PITRM1: variants seen among roughly 807,000 people sequenced by gnomAD.
The protein encoded by PITRM1 is presequence protease, mitochondrial.
PITRM1 carries 100 observed loss-of-function variants against 129.9 expected under a neutral mutation model. The observed-to-expected ratio is 0.77, with a 90% CI of 0.65 to 0.91. The LOEUF (loss-of-function observed/expected upper bound fraction) is 0.91, where lower values mean the gene tolerates loss of function less well. Among genes scored for constraint, PITRM1 ranks in the 40% least tolerant of loss-of-function variants. PITRM1 has a pLI of 0.00. For missense variants in PITRM1, 1,471 were observed against 1,318.3 expected (o/e 1.12, Z -1.79); for synonymous variants, 591 against 508.8 (o/e 1.16, Z -2.17).
At position 3,138,894 on chromosome 10, in the gene PITRM1, C is replaced by T. The variant is rs750441899; in HGVS notation, c.2917+10G>A. On this transcript the variant is annotated intron_variant, in intron 25 of 26. Coordinates refer to ENST00000224949, the MANE Select transcript of PITRM1 (RefSeq NM_014889.4). Reference sequence around the variant, plus strand: ...GTGGGTTGAGATTCTCACTGTTATACTCAAAATACCTTTGTCTGAAGGAGC... The same window carrying T: ...GTGGGTTGAGATTCTCACTGTTATATTCAAAATACCTTTGTCTGAAGGAGC... The T allele has an allele frequency of 6.2e-7, 1 of 1,613,680 alleles. No individual in the cohort carries two copies. The highest frequency in any genetic ancestry group is 1.7e-5 in the Admixed American group (1 of 60,020).
chr10:3,165,175 T>C (rs1842753842), intron 6 of PITRM1, 63 bp downstream of exon 6: 2 of 1,103,566 alleles, frequency 1.8e-6, no homozygotes, highest in South Asian at 1.5e-5. Context: ...GATGTGTCTA[T>C]ATCATGATAT....
At position 3,166,398 on chromosome 10, in the gene PITRM1, C is replaced by T; in HGVS notation, c.267-18G>A. On this transcript the variant is annotated intron_variant, in intron 3 of 26. Coordinates refer to ENST00000224949, the MANE Select transcript of PITRM1 (RefSeq NM_014889.4). ...ACTGCACGCTAGGGAAGGAGAATGACCAGAACGCAAAAGGTTCAGCTTAGT... is the reference window on the plus strand; with the variant it reads ...ACTGCACGCTAGGGAAGGAGAATGATCAGAACGCAAAAGGTTCAGCTTAGT... 1 of 196,504 alleles carries T rather than the reference C, an allele frequency of 5.1e-6. No individual in the cohort carries two copies. Among genetic ancestry groups the T allele is most frequent in the Non-Finnish European group, 7.9e-6 (1 of 126,236 alleles). 12.2% of individuals were successfully genotyped at this position (196,504 alleles called of 1,614,324 possible).
chr10:3,163,623 A>C (rs1842627648), intron 7 of PITRM1, 102 bp downstream of exon 7: 7 of 977,794 alleles, frequency 7.2e-6, no homozygotes, highest in African/African-American at 3.3e-5. Context: ...GATATTTCTT[A>C]AGCATTGCTA....
intron 13 of PITRM1, among the ~76,000 whole-genome samples, chr10:3,156,058 T>C (rs961455383): frequency 2.6e-5 from 4 of 152,230 alleles, no homozygotes; most frequent in Non-Finnish European, 4.4e-5. Flanking sequence ...AGGTTTGCAC[T>C]TTCAAGTACT....
intron 23 of PITRM1, chr10:3,143,072 T>C: frequency 3.6e-6 from 1 of 274,110 alleles, no homozygotes; most frequent in South Asian, 6.3e-5. Flanking sequence ...TTCATTCGAT[T>C]TTTACCTAGA....
intron 23 of PITRM1, among the ~76,000 whole-genome samples, chr10:3,142,661 G>C (rs931080352): frequency 1.3e-5 from 2 of 152,198 alleles, no homozygotes; most frequent in African/African-American, 4.8e-5. Flanking sequence ...AAACTCCCTC[G>C]CCCCACGCCA....
In PITRM1 at chr10:3,163,743, T is replaced by A; in HGVS notation, c.773A>T (p.Tyr258Phe). ...ATATTACCTAGCATTGCTTGGGTGATAGTGAGTGGCATGAAACTGCTTAAG... is the reference window on the plus strand; with the variant it reads ...ATATTACCTAGCATTGCTTGGGTGAAAGTGAGTGGCATGAAACTGCTTAAG... ...EQLKQFHATH[Y>F]HPSNARFFTY... The change falls in exon 7 of 27, where the codon TAT becomes TTT. Residue 258 changes from tyrosine to phenylalanine, a missense_variant. Physicochemically the swap from Tyr to Phe is conservative, Grantham distance 22. Coordinates refer to ENST00000224949, the MANE Select transcript of PITRM1 (RefSeq NM_014889.4). The A allele has an allele frequency of 6.2e-7, 1 of 1,610,470 alleles. No homozygotes were observed. The highest frequency in any genetic ancestry group is 1.1e-5 in the South Asian group (1 of 90,160).
intron 13 of PITRM1, 142 bp from the exon 14 acceptor site, chr10:3,155,871 T>C: frequency 1.1e-6 from 1 of 926,654 alleles, no homozygotes; most frequent in Non-Finnish European, 1.6e-6. Flanking sequence ...AGAACGCACC[T>C]CAAGAGTTGT....
rs780199006 is a variant in PITRM1 at position 3,151,274 on chromosome 10, C to A, written c.1711G>T (p.Val571Phe). ...GTCAGGACCACGTCCAACTCTGTGA[C>A]AGGTATGGTGGGTTCAATATCGGAA... ...KVSDIEPTIPVTELDVVLTAG... is the reference protein window; with the variant it reads ...KVSDIEPTIPFTELDVVLTAG... The change falls in exon 15 of 27, where the codon GTC becomes TTC. Residue 571 changes from valine (V) to phenylalanine (F), a missense_variant. By Grantham distance (50) the Val-to-Phe change is conservative. Transcript: ENST00000224949. 1.2e-6 allele frequency: 2 copies of A among 1,607,080 alleles called. No homozygotes were observed. Among genetic ancestry groups the A allele is most frequent in the South Asian group, 2.2e-5 (2 of 89,560 alleles).
intron 24 of PITRM1, among the ~76,000 whole-genome samples, chr10:3,139,626 G>C (rs1008641991): frequency 3.9e-5 from 6 of 152,176 alleles, no homozygotes; most frequent in African/African-American, 1.4e-4. Flanking sequence ...AGTGGCAATG[G>C]CTACCTACGT....
In PITRM1 at chr10:3,139,608, C is replaced by T. The variant is rs534033760; in HGVS notation, c.2772-559G>A. On this transcript the variant is annotated intron_variant, in intron 24 of 26. Coordinates refer to ENST00000224949, the MANE Select transcript of PITRM1 (RefSeq NM_014889.4). Reference sequence around the variant, plus strand: ...GCTTCCAGCACAGCAAGGGGGAGAACTCATCAGAGTGGCAATGGCTACCTA... The same window carrying T: ...GCTTCCAGCACAGCAAGGGGGAGAATTCATCAGAGTGGCAATGGCTACCTA... Among the ~76,000 whole-genome samples the T allele has an allele frequency of 1.4e-4, 21 of 152,344 alleles. No homozygotes were observed. In the South Asian group the frequency reaches 4.3e-3, roughly 32 times the overall value.
Position 3,163,713 on chromosome 10 carries a change from A to G in PITRM1, c.791+12T>C. The G allele has an allele frequency of 6.3e-7, 1 of 1,579,346 alleles. No individual in the cohort carries two copies. The highest frequency in any genetic ancestry group is 8.6e-7 in the Non-Finnish European group (1 of 1,162,844). On this transcript the variant is annotated intron_variant, in intron 7 of 26. Transcript: ENST00000224949. Reference sequence around the variant, plus strand: ...CACAATCCACCATCAAACTTTTCCAACAAAATATTACCTAGCATTGCTTGG... The same window carrying G: ...CACAATCCACCATCAAACTTTTCCAGCAAAATATTACCTAGCATTGCTTGG...
rs768321418 is a variant in PITRM1, at chr10:3,151,284, G to A, written c.1701C>T (p.Pro567=). 8 of 1,609,210 alleles carry A rather than the reference G, an allele frequency of 5.0e-6. No individual in the cohort carries two copies. Among genetic ancestry groups the A allele is most frequent in the Non-Finnish European group, 6.8e-6 (8 of 1,177,538 alleles). ...LPALKVSDIE[P]TIPVTELDVV... ...CGTCCAACTCTGTGACAGGTATGGT[G>A]GGTTCAATATCGGAAACTTTCAACG... The change falls in exon 15 of 27, where the codon CCC becomes CCT. Residue 567 remains proline (P), a synonymous_variant. Coordinates refer to ENST00000224949, the MANE Select transcript of PITRM1 (RefSeq NM_014889.4).
intron 14 of PITRM1, among the ~76,000 whole-genome samples, chr10:3,154,049 C>A (rs149777850): frequency 3.1e-3 from 471 of 152,322 alleles, no homozygotes; most frequent in African/African-American, 4.7e-3. Flanking sequence ...GTCAACCACA[C>A]CCCGACTGGG....
chr10:3,161,719 G>T lies in PITRM1; in HGVS notation c.792-1389C>A, dbSNP rs112804452. On this transcript the variant is annotated intron_variant, in intron 7 of 26. Coordinates refer to ENST00000224949, the MANE Select transcript of PITRM1 (RefSeq NM_014889.4). The stretch of plus-strand genomic sequence containing the variant: ...GAAACCAAAGAAGTTAGACCAAAAC[G>T]GGCCCACAGCTGGGGCAAATGTGGG... 6.1e-3 allele frequency among the ~76,000 whole-genome samples: 924 copies of T among 152,094 alleles called. 9 individuals are homozygous for T. The highest frequency in any genetic ancestry group is 0.021 in the African/African-American group (877 of 41,480).
chr10:3,142,037 T>A (rs1840281206), intron 23 of PITRM1, among the ~76,000 whole-genome samples: 1 of 152,150 alleles, frequency 6.6e-6, no homozygotes, highest in Non-Finnish European at 1.5e-5. Flanking sequence ...TTTGAAAGAT[T>A]ATAAAATACA....
At chr10:3,142,285 G>A (rs1448409943) in intron 23 of PITRM1, among the ~76,000 whole-genome samples, 3 of 152,060 alleles carry the variant, frequency 2.0e-5, no homozygotes, top group African/African-American at 4.8e-5. Context: ...GTTTCTTCCC[G>A]CCTGCCTCCT....
intron 7 of PITRM1, among the ~76,000 whole-genome samples, chr10:3,162,187 G>A (rs1415124773): frequency 6.8e-6 from 1 of 146,924 alleles, no homozygotes; most frequent in Non-Finnish European, 1.5e-5. Context: ...AAACAAGACA[G>A]CCTCTTCTGT....
chr10:3,167,447 C>T (rs1468706266), intron 2 of PITRM1, among the ~76,000 whole-genome samples: 3 of 152,082 alleles, frequency 2.0e-5, no homozygotes, highest in Non-Finnish European at 2.9e-5. Context: ...CATTTACAGA[C>T]GAAAAAACCG....
Sources: allele counts gnomAD v4.1 joint callset (sites outside exome capture counted in the v4.1 genomes callset), GRCh38; gene constraint gnomAD v4.1.1; transcripts MANE v1.5; gene names NCBI Gene and HGNC (gene_info 2026-07-23, HGNC 2026-07-21).